The following KCNK2 variants were observed in gnomAD, a reference collection of about 807,000 sequenced individuals.
The protein encoded by KCNK2 is potassium channel subfamily K member 2.
A neutral mutation model predicts 40.5 loss-of-function variants in KCNK2; 21 were observed. The observed-to-expected ratio is 0.52, with a 90% CI of 0.37 to 0.75. KCNK2 has a LOEUF of 0.75. Ranked by LOEUF, KCNK2 falls within the 30% of genes least tolerant of loss-of-function variation. The pLI, the probability that KCNK2 is intolerant of heterozygous loss-of-function variation, is 0.00. For missense variants in KCNK2, 399 were observed against 531.6 expected (o/e 0.75, Z 2.45); for synonymous variants, 191 against 202.2 (o/e 0.94, Z 0.47).
intron 1 of KCNK2, among the ~76,000 whole-genome samples, chr1:215,085,809 A>T (rs1241257443): frequency 6.6e-6 from 1 of 152,256 alleles, no homozygotes; most frequent in African/African-American, 2.4e-5. Flanking sequence ...GTTTTACCAG[A>T]AAATGATGAA....
intron 1 of KCNK2, among the ~76,000 whole-genome samples, chr1:215,012,366 A>G (rs942461555): frequency 1.3e-5 from 2 of 152,164 alleles, no homozygotes; most frequent in African/African-American, 2.4e-5. Flanking sequence ...TAATAGGTGT[A>G]TAGTGGAATC....
chr1:215,166,796 A>G (rs1380528956), intron 3 of KCNK2, among the ~76,000 whole-genome samples: 4 of 152,190 alleles, frequency 2.6e-5, no homozygotes, highest in African/African-American at 9.6e-5. Context: ...CTAGTATTGT[A>G]TTTTGCTTAC....
intron 1 of KCNK2, among the ~76,000 whole-genome samples, chr1:215,040,494 T>C (rs1657525844): frequency 6.6e-6 from 1 of 152,180 alleles, no homozygotes; most frequent in Non-Finnish European, 1.5e-5. Flanking sequence ...TTAGGAAAGA[T>C]AATTATTCCT....
At chr1:215,080,835 G>T (rs1162731877), upstream of KCNK2, among the ~76,000 whole-genome samples, 2 of 152,162 alleles carry the variant, frequency 1.3e-5, no homozygotes, top group Non-Finnish European at 2.9e-5. Flanking sequence ...ACTTGACTAG[G>T]CTACAGTGTT....
chr1:215,099,651 G>A (rs1048707075), intron 2 of KCNK2, among the ~76,000 whole-genome samples: 3 of 151,942 alleles, frequency 2.0e-5, no homozygotes, highest in Admixed American at 2.0e-4. Context: ...AGAGGAAAGG[G>A]AGGGGGATCT....
intron 1 of KCNK2, 193 bp downstream of exon 1, chr1:215,083,624 C>A (rs1472350350): frequency 1.7e-6 from 1 of 602,912 alleles, no homozygotes; most frequent in Non-Finnish European, 3.0e-6. Flanking sequence ...CGCTTCTCCC[C>A]CCTCTCCCGC....
intron 1 of KCNK2, among the ~76,000 whole-genome samples, chr1:215,043,800 T>G (rs1427499041): frequency 6.6e-6 from 1 of 152,234 alleles, no homozygotes; most frequent in Non-Finnish European, 1.5e-5. Flanking sequence ...AAAATGTTAT[T>G]GTTATATATA....
intron 3 of KCNK2, among the ~76,000 whole-genome samples, chr1:215,140,477 A>G (rs1662126867): frequency 6.6e-6 from 1 of 152,200 alleles, no homozygotes. Context: ...GTACACACCT[A>G]GGCTATCTGC....
chr1:215,147,655 GA>G (rs1173288914), intron 3 of KCNK2, among the ~76,000 whole-genome samples: 2 of 152,018 alleles, frequency 1.3e-5, no homozygotes, highest in Non-Finnish European at 2.9e-5. Context: ...AACATGGTGA[GA>G]CCCTGTCTAT....
intron 1 of KCNK2, among the ~76,000 whole-genome samples, chr1:215,016,285 T>TAGAGGACGCGATA (rs80185209): frequency 6.6e-6 from 1 of 151,580 alleles, no homozygotes; most frequent in Admixed American, 6.6e-5. Flanking sequence ...TTAAGAGATA[T>TAGAGGACGCGATA]AGAACACATA....
chr1:215,126,913 T>C (rs561195227), intron 3 of KCNK2, among the ~76,000 whole-genome samples: 9 of 152,214 alleles, frequency 5.9e-5, no homozygotes, highest in African/African-American at 1.9e-4. Flanking sequence ...CAACACCATG[T>C]CCTCTAATCT....
chr1:215,178,836 GT>G (rs1403027920), intron 5 of KCNK2, among the ~76,000 whole-genome samples: 1 of 151,996 alleles, frequency 6.6e-6, no homozygotes, highest in Non-Finnish European at 1.5e-5. Flanking sequence ...GCCATATTTT[GT>G]TATCAAAGTG....
chr1:215,190,558 C>T (rs994033320), intron 5 of KCNK2, among the ~76,000 whole-genome samples: 5 of 152,140 alleles, frequency 3.3e-5, no homozygotes, highest in African/African-American at 1.2e-4. Flanking sequence ...GTTATTTTCT[C>T]TACTGAGATT....
chr1:215,209,476 T>TTTTATATATAATATAATATATATTA (rs1665516578), intron 6 of KCNK2, among the ~76,000 whole-genome samples: 1 of 43,194 alleles, frequency 2.3e-5, no homozygotes, highest in Non-Finnish European at 4.2e-5. Flanking sequence ...ATAATATATA[T>TTTTATATATAATATAATATATATTA]TATATATAAT....
intron 1 of KCNK2, among the ~76,000 whole-genome samples, chr1:215,054,775 A>G (rs563038739): frequency 7.2e-5 from 11 of 152,364 alleles, no homozygotes; most frequent in African/African-American, 2.6e-4. Flanking sequence ...GCCTTTTTCC[A>G]CACAAACCAA....
At chr1:215,161,113 T>C (rs1185170017) in intron 3 of KCNK2, among the ~76,000 whole-genome samples, 1 of 152,172 alleles carries the variant, frequency 6.6e-6, no homozygotes, top group Non-Finnish European at 1.5e-5. Flanking sequence ...AATAAACATG[T>C]AATAGGATCC....
chr1:215,021,964 C>T (rs897648427), intron 1 of KCNK2, among the ~76,000 whole-genome samples: 1 of 152,144 alleles, frequency 6.6e-6, no homozygotes, highest in Admixed American at 6.5e-5. Flanking sequence ...CTGAGACTTA[C>T]AGCACTGGCT....
chr1:215,086,784 C>T, intron 2 of KCNK2, 106 bp downstream of exon 2: 1 of 935,784 alleles, frequency 1.1e-6, no homozygotes, highest in Non-Finnish European at 1.6e-6. Flanking sequence ...TGGTGGGAGC[C>T]CTATCCCACC....
chr1:215,105,250 C>T (rs1660385671), intron 2 of KCNK2, among the ~76,000 whole-genome samples: 1 of 152,084 alleles, frequency 6.6e-6, no homozygotes. Context: ...CTTCCTCCAC[C>T]CACTAGCAAC....
Sources: allele counts gnomAD v4.1 joint callset (sites outside exome capture counted in the v4.1 genomes callset), GRCh38; gene constraint gnomAD v4.1.1; transcripts MANE v1.5; gene names NCBI Gene and HGNC (gene_info 2026-07-23, HGNC 2026-07-21).